TLK1: variants seen among roughly 807,000 people sequenced by gnomAD.
TLK1 encodes the protein tousled like kinase 1, also known as serine/threonine-protein kinase tousled-like 1.
A neutral mutation model predicts 105.3 loss-of-function variants in TLK1; 24 were observed. The ratio of observed to expected loss-of-function variants is 0.23; its 90% CI spans 0.17 to 0.32. The LOEUF (loss-of-function observed/expected upper bound fraction) is 0.32. Ranked by LOEUF, TLK1 falls within the 10% of genes least tolerant of loss-of-function variation. The probability of loss-of-function intolerance (pLI) is 1.00; values close to 1 mark genes in which losing one functional copy is unlikely to be tolerated. For synonymous variants in TLK1, 321 were observed against 310.4 expected, an observed-to-expected ratio of 1.03 and a Z score of -0.36; for missense variants, 558 against 910.5, an observed-to-expected ratio of 0.61 and a Z score of 4.98.
chr2:171,142,996 T>C (rs74703182), intron 1 of TLK1, among the ~76,000 whole-genome samples: 2,578 of 152,242 alleles, frequency 0.017, 48 homozygotes, highest in Non-Finnish European at 0.022. Context: ...CCAGAATCAC[T>C]TGAACTCAGA....
At chr2:171,149,276 A>G (rs888298924) in intron 1 of TLK1, among the ~76,000 whole-genome samples, 1 of 151,894 alleles carries the variant, frequency 6.6e-6, no homozygotes, top group Non-Finnish European at 1.5e-5. Flanking sequence ...AATAATCCAT[A>G]GTGACTTGTT....
intron 5 of TLK1, among the ~76,000 whole-genome samples, chr2:171,056,796 T>C (rs1011142459): frequency 1.3e-5 from 2 of 151,910 alleles, no homozygotes; most frequent in Non-Finnish European, 2.9e-5. Context: ...CTTATTACTC[T>C]ATATTCTGAC....
At chr2:171,007,935 G>A (rs571450294) in intron 14 of TLK1, among the ~76,000 whole-genome samples, 5 of 152,036 alleles carry the variant, frequency 3.3e-5, no homozygotes, top group African/African-American at 1.2e-4. Context: ...AGCTTTACAT[G>A]ACTTATGTTT....
At chr2:171,048,290 T>G (rs1363826983) in intron 10 of TLK1, among the ~76,000 whole-genome samples, 1 of 152,228 alleles carries the variant, frequency 6.6e-6, no homozygotes, top group African/African-American at 2.4e-5. Context: ...GAACTACTAG[T>G]AGAATTTATA....
At chr2:171,149,094 CTTTTCTTTTTT>C (rs1691920839) in intron 1 of TLK1, among the ~76,000 whole-genome samples, 1 of 74,252 alleles carries the variant, frequency 1.3e-5, no homozygotes, top group Non-Finnish European at 2.8e-5. Context: ...CTTTGAATTA[CTTTTCTTTTTT>C]TTTTTTTTTT....
At chr2:171,228,520 C>T (rs1338079822) in intron 1 of TLK1, among the ~76,000 whole-genome samples, 3 of 152,188 alleles carry the variant, frequency 2.0e-5, no homozygotes, top group African/African-American at 7.2e-5. Flanking sequence ...TACCGCACTC[C>T]AGCTTGGAAG....
Position 171,148,955 on chromosome 2 carries a change from T to C in TLK1, c.139+11335A>G, listed in dbSNP as rs1167857758. Among the ~76,000 whole-genome samples the C allele has an allele frequency of 2.7e-5, 4 of 149,788 alleles. No individual in the cohort carries two copies. In the East Asian group the frequency reaches 7.8e-4, roughly 29 times the overall value. Reference sequence around the variant, plus strand: ...TGTGCGTGTGTGTGTATGTGCGATATATATATATATCACGTTGCTTTAGTT... The same window carrying C: ...TGTGCGTGTGTGTGTATGTGCGATACATATATATATCACGTTGCTTTAGTT... On this transcript the variant is annotated intron_variant, in intron 1 of 20. Coordinates refer to ENST00000431350, the MANE Select transcript of TLK1 (RefSeq NM_012290.5).
At chr2:171,061,350 T>C (rs972640424) in intron 3 of TLK1, among the ~76,000 whole-genome samples, 194 bp from the exon 4 acceptor site, 1 of 152,204 alleles carries the variant, frequency 6.6e-6, no homozygotes, top group African/African-American at 2.4e-5. Context: ...AAATTCCAAG[T>C]AGAGAAGACC....
chr2:171,104,612 A>G lies in TLK1; in HGVS notation c.258+13127T>C, dbSNP rs947218617. Among the ~76,000 whole-genome samples the G allele has an allele frequency of 2.6e-5, 4 of 152,180 alleles. No homozygotes were observed. In the South Asian group the frequency reaches 6.2e-4, roughly 24 times the overall value. ...GAATAGCCAAAGCAATACAGAGCTA[A>G]AAGAATAAAACTGGAGGCATCACAC... On this transcript the variant is annotated intron_variant, in intron 2 of 20. Transcript: ENST00000431350.
intron 18 of TLK1, among the ~76,000 whole-genome samples, chr2:171,005,447 C>G (rs776966601): frequency 3.9e-5 from 6 of 152,182 alleles, no homozygotes; most frequent in Non-Finnish European, 7.3e-5. Flanking sequence ...AAACATCCAT[C>G]TTCCACAAAA....
chr2:171,072,353 C>T (rs1264627705), intron 3 of TLK1, among the ~76,000 whole-genome samples: 1 of 152,208 alleles, frequency 6.6e-6, no homozygotes, highest in Non-Finnish European at 1.5e-5. Flanking sequence ...GTGGCTCACG[C>T]CCATAATCTC....
At chr2:171,193,041 T>C (rs1693185225) in intron 1 of TLK1, among the ~76,000 whole-genome samples, 1 of 152,236 alleles carries the variant, frequency 6.6e-6, no homozygotes, top group East Asian at 1.9e-4. Context: ...CTGCTAATTT[T>C]CCTTGGTTAA....
chr2:171,127,963 T>C (rs377749413), intron 1 of TLK1, among the ~76,000 whole-genome samples: 7 of 152,164 alleles, frequency 4.6e-5, no homozygotes, highest in Admixed American at 3.9e-4. Flanking sequence ...ACAGTAAGTA[T>C]AGAAAGTCAG....
In TLK1 at chr2:171,160,602, G is replaced by A. The variant is rs569948304; in HGVS notation, c.-174C>T. ...AACCGAGAAGAGGGGAGGTGGGGAG[G>A]AAAGAGGTGAGGGAAGGAGAGGGGA... On this transcript the variant is annotated 5_prime_UTR_variant, in exon 1 of 21. Coordinates refer to ENST00000431350, the MANE Select transcript of TLK1 (RefSeq NM_012290.5). This position sits in a 1 kb window ranked among gnomAD's most constrained non-coding sequence, Gnocchi z 4.4. 1.5e-3 allele frequency: 1,480 copies of A among 991,754 alleles called. 1 individual carries two copies. The highest frequency in any genetic ancestry group is 2.4e-3 in the Admixed American group (71 of 29,022). The allele number at this position is 991,754 out of a possible 1,614,324, so 61.4% of individuals were successfully genotyped here. A position where few individuals can be genotyped will look rare whatever the true frequency, so the allele number is the denominator to read the frequency against.
intron 1 of TLK1, among the ~76,000 whole-genome samples, chr2:171,200,401 A>G (rs1005196785): frequency 6.6e-6 from 1 of 152,184 alleles, no homozygotes; most frequent in Non-Finnish European, 1.5e-5. Flanking sequence ...TCATATGACT[A>G]TCTGGAAGCC....
chr2:171,117,604 G>C (rs1002706721), intron 2 of TLK1, 135 bp downstream of exon 2: 1 of 681,808 alleles, frequency 1.5e-6, no homozygotes, highest in Non-Finnish European at 2.5e-6. Flanking sequence ...ACGCATTTAT[G>C]AACACTGATC....
At chr2:171,158,123 G>A (rs1178725094) in intron 1 of TLK1, among the ~76,000 whole-genome samples, 1 of 152,140 alleles carries the variant, frequency 6.6e-6, no homozygotes, top group Non-Finnish European at 1.5e-5. Flanking sequence ...TCCTGTTAGC[G>A]TTAGTGAAAT....
rs139726391 is a variant in TLK1, at chr2:171,185,134, C to T, written c.-6+46011G>A. ...GATTACAGGCGTGAGCCACCGAGCC[C>T]GGCCTATAACTATGTTTTAATCACT... is the stretch of plus-strand genomic sequence containing the variant. On this transcript the variant is annotated intron_variant, in intron 1 of 20. Transcript: ENST00000521943. Among the ~76,000 whole-genome samples the T allele has an allele frequency of 4.7e-4, 72 of 152,260 alleles. 1 individual carries two copies. The East Asian group carries it at 0.014, about 29-fold the overall frequency.
chr2:171,161,215 C>A (rs1480342220), upstream of TLK1, among the ~76,000 whole-genome samples: 2 of 150,610 alleles, frequency 1.3e-5, no homozygotes, highest in Admixed American at 1.3e-4. Flanking sequence ...CCGCGCCGCT[C>A]GGGCTCCAGC....
Sources: allele counts gnomAD v4.1 joint callset (sites outside exome capture counted in the v4.1 genomes callset), GRCh38; gene constraint gnomAD v4.1.1; non-coding constraint Gnocchi (gnomAD v3.1); transcripts MANE v1.5; gene names NCBI Gene and HGNC (gene_info 2026-07-23, HGNC 2026-07-21).